Variants in NCAM2 observed in about 807,000 individuals in gnomAD.
The protein encoded by NCAM2 is neural cell adhesion molecule 2.
Under a neutral mutation model 98.1 loss-of-function variants are expected in NCAM2, and 30 were observed. The observed-to-expected ratio is 0.31, with a 90% CI of 0.23 to 0.41. The LOEUF is 0.41. Ranked by LOEUF, NCAM2 falls within the 10% of genes least tolerant of loss-of-function variation. The pLI is 1.00. For missense variants in NCAM2, 867 were observed against 1,005.8 expected, an observed-to-expected ratio of 0.86 and a Z score of 1.87; for synonymous variants, 368 against 342.4, an observed-to-expected ratio of 1.07 and a Z score of -0.83.
At chr21:21,088,664 G>C (rs1260097207) in intron 1 of NCAM2, among the ~76,000 whole-genome samples, 1 of 152,110 alleles carries the variant, frequency 6.6e-6, no homozygotes, top group Non-Finnish European at 1.5e-5. Flanking sequence ...TTCAGGGCTT[G>C]GCAAACTTAG....
chr21:21,308,948 AG>A (rs1398435272), intron 5 of NCAM2, among the ~76,000 whole-genome samples: 1 of 152,026 alleles, frequency 6.6e-6, no homozygotes, highest in Non-Finnish European at 1.5e-5. Flanking sequence ...ATTCTGCTGA[AG>A]GCTTCATCTC....
chr21:21,058,168 C>CA (rs2065251807), intron 1 of NCAM2, among the ~76,000 whole-genome samples: 1 of 129,272 alleles, frequency 7.7e-6, no homozygotes, highest in African/African-American at 2.8e-5. Flanking sequence ...AAAAAAAACC[C>CA]AAAAAACAAA....
chr21:21,332,899 A>C (rs575557811), intron 6 of NCAM2, among the ~76,000 whole-genome samples: 1 of 152,326 alleles, frequency 6.6e-6, no homozygotes, highest in East Asian at 1.9e-4. Flanking sequence ...TTGTTGTTTA[A>C]ATTGGGAGCA....
At chr21:21,479,732 A>C (rs2847451) in intron 15 of NCAM2, among the ~76,000 whole-genome samples, 85,091 of 150,662 alleles carry the variant, frequency 0.56, 24,967 homozygotes, top group African/African-American at 0.64. Flanking sequence ...CTCTCTCTCT[A>C]TATATATATA....
At chr21:21,490,471 A>C (rs1192366106) in intron 15 of NCAM2, among the ~76,000 whole-genome samples, 2 of 151,994 alleles carry the variant, frequency 1.3e-5, no homozygotes, top group African/African-American at 4.8e-5. Flanking sequence ...AAATTCAATT[A>C]GTCTTTATCA....
chr21:21,440,388 T>A (rs1439064056), intron 12 of NCAM2, among the ~76,000 whole-genome samples: 1 of 152,074 alleles, frequency 6.6e-6, no homozygotes, highest in Non-Finnish European at 1.5e-5. Flanking sequence ...TATCTCATAT[T>A]GAAAATAAAT....
intron 1 of NCAM2, among the ~76,000 whole-genome samples, chr21:21,076,650 A>G (rs1439298035): frequency 2.0e-5 from 3 of 152,194 alleles, no homozygotes; most frequent in Admixed American, 6.5e-5. Context: ...GATATTCACT[A>G]GTACATATAA....
chr21:21,444,466 CT>C (rs34055327), intron 12 of NCAM2, among the ~76,000 whole-genome samples: 20,782 of 150,760 alleles, frequency 0.14, 1,447 homozygotes, highest in Middle Eastern at 0.16. Flanking sequence ...TGGTCCTGGG[CT>C]TTTTTTTTGG....
chr21:21,265,769 G>T (rs995054499), intron 1 of NCAM2, among the ~76,000 whole-genome samples: 3 of 151,738 alleles, frequency 2.0e-5, no homozygotes, highest in African/African-American at 7.3e-5. Flanking sequence ...AAAGGAGAGG[G>T]GGAAATGTGT....
chr21:21,239,592 C>A (rs2070985453), intron 1 of NCAM2, among the ~76,000 whole-genome samples: 1 of 152,106 alleles, frequency 6.6e-6, no homozygotes, highest in Non-Finnish European at 1.5e-5. Context: ...TCCTTTAAAA[C>A]TTTTAGATGA....
chr21:21,477,607 TATC>T, intron 15 of NCAM2, 136 bp downstream of exon 15: 1 of 723,236 alleles, frequency 1.4e-6, no homozygotes, highest in Admixed American at 3.4e-5. Context: ...TATTGTGACA[TATC>T]ATACACAAAG....
Position 21,538,434 on chromosome 21 carries a change from A to G in NCAM2, c.*477A>G, listed in dbSNP as rs1990098618. The G allele has an allele frequency of 1.3e-5, 2 of 152,722 alleles. No homozygotes were observed. Among genetic ancestry groups the G allele is most frequent in the East Asian group, 1.9e-4 (1 of 5,184 alleles). 9.5% of individuals were successfully genotyped at this position (152,722 alleles called of 1,614,324 possible). A position where few individuals can be genotyped will look rare whatever the true frequency, so the allele number is the denominator to read the frequency against. On this transcript the variant is annotated 3_prime_UTR_variant, in exon 18 of 18. Coordinates refer to ENST00000400546, the MANE Select transcript of NCAM2 (RefSeq NM_004540.5). ...TGAAGGAGCTTAATAATGGTTACTC[A>G]TTTTATCAGGGGAATTTCAGGGAAC...
chr21:21,479,509 G>A (rs146860509), intron 15 of NCAM2, among the ~76,000 whole-genome samples: 4,703 of 149,240 alleles, frequency 0.032, 261 homozygotes, highest in African/African-American at 0.11. Context: ...GAGTGGACCC[G>A]GGAGGCGGAG....
intron 10 of NCAM2, among the ~76,000 whole-genome samples, chr21:21,416,632 T>G (rs1213232125): frequency 1.3e-5 from 2 of 152,146 alleles, no homozygotes; most frequent in Non-Finnish European, 2.9e-5. Flanking sequence ...TGTTTATCAG[T>G]GGGTGTTTAT....
At chr21:21,142,732 CA>C (rs1448722156) in intron 1 of NCAM2, among the ~76,000 whole-genome samples, 1 of 152,000 alleles carries the variant, frequency 6.6e-6, no homozygotes, top group Non-Finnish European at 1.5e-5. Flanking sequence ...GTTTCTGGGT[CA>C]AAAAGCAAAG....
chr21:21,432,715 ATTTG>A (rs1254721559), intron 12 of NCAM2, among the ~76,000 whole-genome samples: 1 of 152,062 alleles, frequency 6.6e-6, no homozygotes, highest in Non-Finnish European at 1.5e-5. Context: ...AATTTTATAT[ATTTG>A]TTTACTTTTT....
intron 1 of NCAM2, among the ~76,000 whole-genome samples, chr21:21,024,983 TA>T (rs777023323): frequency 9.2e-5 from 14 of 152,232 alleles, no homozygotes; most frequent in Non-Finnish European, 1.8e-4. Flanking sequence ...TTATGTGCTT[TA>T]AAAGTTATTT....
intron 1 of NCAM2, among the ~76,000 whole-genome samples, chr21:21,046,449 A>G (rs2065009021): frequency 6.6e-6 from 1 of 152,182 alleles, no homozygotes; most frequent in Admixed American, 6.5e-5. Flanking sequence ...TCTGTTCAAA[A>G]TACAAGCATT....
chr21:21,522,012 T>C (rs937618529), intron 16 of NCAM2, among the ~76,000 whole-genome samples: 2 of 148,876 alleles, frequency 1.3e-5, no homozygotes, highest in African/African-American at 4.9e-5. Flanking sequence ...TATATCAATA[T>C]ATAAATATAG....
Sources: gnomAD v4.1 joint callset for allele counts (sites outside exome capture counted in the v4.1 genomes callset) on GRCh38, gnomAD v4.1.1 for gene constraint, MANE v1.5 for transcripts, NCBI Gene and HGNC (gene_info 2026-07-23, HGNC 2026-07-21) for gene names.